LSAMP: variants seen among roughly 807,000 people sequenced by gnomAD.
LSAMP encodes limbic system-associated membrane protein.
Under a neutral mutation model 38.6 loss-of-function variants are expected in LSAMP, and 7 were observed. The observed-to-expected ratio is 0.18, with a 90% CI of 0.10 to 0.34. The LOEUF (loss-of-function observed/expected upper bound fraction) is 0.34, where lower values mean the gene tolerates loss of function less well. Among genes scored for constraint, LSAMP ranks in the 10% least tolerant of loss-of-function variants. LSAMP has a pLI of 1.00. For synonymous variants in LSAMP, 154 were observed against 166.8 expected (o/e 0.92, Z 0.59); for missense variants, 313 against 420.0 (o/e 0.75, Z 2.23).
chr3:115,949,808 A>G (rs1938224062), intron 3 of LSAMP, among the ~76,000 whole-genome samples: 1 of 152,146 alleles, frequency 6.6e-6, no homozygotes, highest in African/African-American at 2.4e-5. Context: ...ACTACAGATC[A>G]GTATCGCTGA....
At chr3:115,889,309 G>C (rs899924827) in intron 3 of LSAMP, among the ~76,000 whole-genome samples, 1 of 151,922 alleles carries the variant, frequency 6.6e-6, no homozygotes, top group African/African-American at 2.4e-5. Context: ...CGCTTATGCT[G>C]GGTGATGTGT....
At chr3:115,980,318 A>G (rs1559906616) in intron 3 of LSAMP, among the ~76,000 whole-genome samples, 1 of 152,048 alleles carries the variant, frequency 6.6e-6, no homozygotes. Flanking sequence ...TTAGCTGTTG[A>G]TGTCTTCTCT....
chr3:116,072,740 G>A (rs998979228), intron 2 of LSAMP, among the ~76,000 whole-genome samples: 13 of 146,550 alleles, frequency 8.9e-5, no homozygotes, highest in Admixed American at 7.5e-4. Context: ...CTTTTTGAAG[G>A]GGTTGTTTGT....
chr3:116,142,943 T>C (rs1368797467), intron 1 of LSAMP, among the ~76,000 whole-genome samples: 1 of 151,560 alleles, frequency 6.6e-6, no homozygotes, highest in Non-Finnish European at 1.5e-5. Context: ...AGGGTTCACC[T>C]GAGGAACTGG....
At chr3:116,266,428 A>G (rs1236175855) in intron 1 of LSAMP, among the ~76,000 whole-genome samples, 1 of 152,192 alleles carries the variant, frequency 6.6e-6, no homozygotes. Context: ...TAACAGAATC[A>G]CTCAGAGGAA....
intron 2 of LSAMP, among the ~76,000 whole-genome samples, chr3:116,069,305 C>T (rs1041768021): frequency 2.0e-5 from 3 of 152,204 alleles, no homozygotes; most frequent in Non-Finnish European, 4.4e-5. Context: ...ACTCTACCTT[C>T]ACAATTTGGG....
At chr3:115,963,302 A>G (rs1195461529) in intron 3 of LSAMP, among the ~76,000 whole-genome samples, 1 of 152,244 alleles carries the variant, frequency 6.6e-6, no homozygotes, top group Non-Finnish European at 1.5e-5. Flanking sequence ...TAATGCTACT[A>G]CTATGACCCC....
chr3:116,257,871 G>A (rs1343986393), intron 1 of LSAMP, among the ~76,000 whole-genome samples: 1 of 151,930 alleles, frequency 6.6e-6, no homozygotes, highest in African/African-American at 2.4e-5. Flanking sequence ...TTCCGTTATT[G>A]AAATTTTAAA....
intron 1 of LSAMP, among the ~76,000 whole-genome samples, chr3:116,165,124 A>G (rs1208863475): frequency 6.6e-6 from 1 of 152,172 alleles, no homozygotes; most frequent in Admixed American, 6.5e-5. Context: ...CCGTGCTTCT[A>G]GGTTGAAATT....
intron 2 of LSAMP, among the ~76,000 whole-genome samples, chr3:116,035,903 G>A (rs1473513934): frequency 6.6e-6 from 1 of 152,184 alleles, no homozygotes; most frequent in African/African-American, 2.4e-5. Flanking sequence ...CCATACAACT[G>A]GGCTGTAGCC....
At chr3:116,127,667 T>A (rs1424289288) in intron 1 of LSAMP, among the ~76,000 whole-genome samples, 1 of 149,398 alleles carries the variant, frequency 6.7e-6, no homozygotes, top group African/African-American at 2.5e-5. Flanking sequence ...GACTGAAAGC[T>A]GAGTCGGCAA....
At chr3:116,138,592 A>G (rs1352457066) in intron 1 of LSAMP, among the ~76,000 whole-genome samples, 1 of 152,008 alleles carries the variant, frequency 6.6e-6, no homozygotes, top group Non-Finnish European at 1.5e-5. Context: ...GGATTCTAGG[A>G]GCAGCATTCA....
intron 1 of LSAMP, among the ~76,000 whole-genome samples, chr3:116,284,644 T>C (rs2047170389): frequency 6.6e-6 from 1 of 152,204 alleles, no homozygotes; most frequent in South Asian, 2.1e-4. Flanking sequence ...TTGGTATTGA[T>C]GGAAGGATAA....
chr3:116,368,795 C>T (rs2048392188), intron 1 of LSAMP, among the ~76,000 whole-genome samples: 1 of 152,108 alleles, frequency 6.6e-6, no homozygotes, highest in Non-Finnish European at 1.5e-5. Flanking sequence ...GATCATATGT[C>T]ATATAACAAA....
chr3:115,902,570 A>G (rs1198565475), intron 3 of LSAMP, among the ~76,000 whole-genome samples: 1 of 152,178 alleles, frequency 6.6e-6, no homozygotes, highest in African/African-American at 2.4e-5. Flanking sequence ...ACAGAATGGG[A>G]AAAAATATTT....
At chr3:116,292,503 T>G (rs13321372) in intron 1 of LSAMP, among the ~76,000 whole-genome samples, 3,780 of 152,310 alleles carry the variant, frequency 0.025, 69 homozygotes, top group Non-Finnish European at 0.038. Flanking sequence ...CAGCCATTAT[T>G]TAACTATAAA....
chr3:115,836,543 G>C (rs1934795060), intron 6 of LSAMP, among the ~76,000 whole-genome samples: 1 of 152,212 alleles, frequency 6.6e-6, no homozygotes, highest in Non-Finnish European at 1.5e-5. Context: ...CTGATTGGGA[G>C]ATTTTGGGAA....
At chr3:116,231,002 T>G (rs1338891735) in intron 1 of LSAMP, among the ~76,000 whole-genome samples, 1 of 152,080 alleles carries the variant, frequency 6.6e-6, no homozygotes, top group Non-Finnish European at 1.5e-5. Flanking sequence ...TGTTAGACCC[T>G]GGATTAATGG....
intron 1 of LSAMP, among the ~76,000 whole-genome samples, chr3:116,173,957 G>A (rs1340920750): frequency 6.6e-6 from 1 of 151,620 alleles, no homozygotes; most frequent in African/African-American, 2.4e-5. Context: ...AACAGCTTTT[G>A]GTCCTCACAT....
Sources: gnomAD v4.1 joint callset for allele counts (sites outside exome capture counted in the v4.1 genomes callset) on GRCh38, gnomAD v4.1.1 for gene constraint, MANE v1.5 for transcripts, NCBI Gene and HGNC (gene_info 2026-07-23, HGNC 2026-07-21) for gene names.